The following PPP2R3A variants were observed in gnomAD, a reference collection of about 807,000 sequenced individuals.
PPP2R3A encodes the protein serine/threonine-protein phosphatase 2A regulatory subunit B'' subunit alpha.
In PPP2R3A, 80 loss-of-function variants were observed where a neutral mutation model predicts 106.9. The observed-to-expected ratio is 0.75, with a 90% CI of 0.62 to 0.90. The LOEUF (loss-of-function observed/expected upper bound fraction) is 0.90. PPP2R3A is among the 40% of genes least tolerant of loss of function. The pLI is 0.00. For synonymous variants in PPP2R3A, 483 were observed against 468.3 expected, an observed-to-expected ratio of 1.03 and a Z score of -0.41; for missense variants, 1,386 against 1,350.4, an observed-to-expected ratio of 1.03 and a Z score of -0.41.
chr3:136,002,376 C>T lies in PPP2R3A; in HGVS notation c.878C>T (p.Pro293Leu), dbSNP rs377468771. The change falls in exon 2 of 14, where the codon CCA becomes CTA. Residue 293 changes from proline (P) to leucine (L), a missense_variant. By Grantham distance (98) the Pro-to-Leu change is moderately conservative. Coordinates refer to ENST00000264977, the MANE Select transcript of PPP2R3A (RefSeq NM_002718.5). ...TTAGCATCCTATCTGAAAAAGTTAC[C>T]ATTTGAATTCATGCAGTCTGGGAAT... ...TRLASYLKKL[P>L]FEFMQSGNNE... The T allele has an allele frequency of 5.6e-6, 9 of 1,613,684 alleles. No individual in the cohort carries two copies. The African/African-American group carries it at 9.3e-5, about 17-fold the overall frequency.
chr3:136,023,066 A>G (rs1208785500), intron 2 of PPP2R3A: 1 of 1,612,904 alleles, frequency 6.2e-7, no homozygotes, highest in Non-Finnish European at 8.5e-7. Context: ...TTTACTTTTC[A>G]AAGATGATGA....
At position 136,062,978 on chromosome 3, in the gene PPP2R3A, A is replaced by G. The variant is rs563494894; in HGVS notation, c.2470-7500A>G. Among the ~76,000 whole-genome samples the G allele has an allele frequency of 2.6e-5, 4 of 152,336 alleles. No individual in the cohort carries two copies. The South Asian group carries it at 8.3e-4, about 32-fold the overall frequency. The stretch of plus-strand genomic sequence containing the variant: ...GCATTGCCAAGTCAATCCTAAGCCA[A>G]AAGAACAAAGCTGGAGGCATCACGC... On this transcript the variant is annotated intron_variant, in intron 5 of 13. Coordinates refer to ENST00000264977, the MANE Select transcript of PPP2R3A (RefSeq NM_002718.5).
chr3:136,041,238 G>GT (rs67116006), intron 4 of PPP2R3A, among the ~76,000 whole-genome samples: 64,296 of 92,222 alleles, frequency 0.7, 20,073 homozygotes, highest in East Asian at 0.93. Context: ...GGTTTTTCTT[G>GT]TTTTTTTTTT....
intron 13 of PPP2R3A, among the ~76,000 whole-genome samples, chr3:136,142,254 T>C (rs374208700): frequency 3.3e-5 from 5 of 152,158 alleles, no homozygotes; most frequent in Admixed American, 2.0e-4. Flanking sequence ...ATACGGCACA[T>C]TGTAGGATGT....
chr3:136,094,501 G>C (rs1173377599), intron 10 of PPP2R3A, among the ~76,000 whole-genome samples: 1 of 152,090 alleles, frequency 6.6e-6, no homozygotes, highest in African/African-American at 2.4e-5. Flanking sequence ...ACACACTTGG[G>C]TATTAAACAA....
At chr3:136,032,348 T>G (rs1270008981) in intron 3 of PPP2R3A, among the ~76,000 whole-genome samples, 2 of 152,110 alleles carry the variant, frequency 1.3e-5, no homozygotes, top group Non-Finnish European at 2.9e-5. Flanking sequence ...TGTTGGTGTA[T>G]AGAAGAGCTA....
intron 8 of PPP2R3A, among the ~76,000 whole-genome samples, chr3:136,084,381 A>C (rs549487241): frequency 1.3e-5 from 2 of 152,318 alleles, no homozygotes; most frequent in African/African-American, 4.8e-5. Flanking sequence ...TCAAGTATTG[A>C]GATTTGGGAA....
At chr3:136,099,750 A>G (rs1937310389) in intron 10 of PPP2R3A, among the ~76,000 whole-genome samples, 2 of 152,108 alleles carry the variant, frequency 1.3e-5, no homozygotes, top group Admixed American at 1.3e-4. Context: ...TTTAGCCACA[A>G]TGGAAAAATT....
At chr3:135,979,721 CA>C (rs938651265) in intron 1 of PPP2R3A, among the ~76,000 whole-genome samples, 49 of 142,824 alleles carry the variant, frequency 3.4e-4, no homozygotes, top group Admixed American at 8.4e-4. Context: ...ACTGGGCAGA[CA>C]AAAAAAAAAT....
chr3:136,082,527 A>T lies in PPP2R3A; in HGVS notation c.2788+106A>T, dbSNP rs909863650. On this transcript the variant is annotated intron_variant, in intron 8 of 13. Coordinates refer to ENST00000264977, the MANE Select transcript of PPP2R3A (RefSeq NM_002718.5). Reference sequence around the variant, plus strand: ...GTTTGCTAAATTCTAAACCTAATCAAGTCCTCTTTACAGGCCAATAATTTT... The same window carrying T: ...GTTTGCTAAATTCTAAACCTAATCATGTCCTCTTTACAGGCCAATAATTTT... 3 of 1,299,486 alleles carry T rather than the reference A, an allele frequency of 2.3e-6. No individual in the cohort carries two copies. In the African/African-American group the frequency reaches 4.6e-5, roughly 20 times the overall value. 80.5% of individuals were successfully genotyped at this position (1,299,486 alleles called of 1,614,324 possible).
chr3:136,070,445 T>C (rs775741646), intron 5 of PPP2R3A, 33 bp from the exon 6 acceptor site: 1 of 1,556,886 alleles, frequency 6.4e-7, no homozygotes, highest in Admixed American at 2.0e-5. Context: ...TTTGTATGTT[T>C]GTTAATTTAG....
intron 5 of PPP2R3A, among the ~76,000 whole-genome samples, chr3:136,057,484 G>A (rs897648445): frequency 3.3e-5 from 5 of 152,066 alleles, no homozygotes; most frequent in African/African-American, 4.8e-5. Context: ...AAGTAGATTG[G>A]TGGTTAACAG....
chr3:136,144,532 A>C (rs1403862645), intron 13 of PPP2R3A, among the ~76,000 whole-genome samples: 1 of 152,150 alleles, frequency 6.6e-6, no homozygotes, highest in African/African-American at 2.4e-5. Flanking sequence ...GTGGTGGCGC[A>C]TGCATGTAGT....
intron 3 of PPP2R3A, among the ~76,000 whole-genome samples, chr3:136,037,950 A>AG (rs1247210771): frequency 6.6e-6 from 1 of 152,044 alleles, no homozygotes; most frequent in Non-Finnish European, 1.5e-5. Context: ...GTAAAAAAAA[A>AG]AACAAAAACA....
intron 10 of PPP2R3A, among the ~76,000 whole-genome samples, chr3:136,092,656 C>T (rs1185227226): frequency 2.0e-5 from 3 of 152,082 alleles, no homozygotes; most frequent in Non-Finnish European, 4.4e-5. Flanking sequence ...CTGTGTGGTA[C>T]TCGTATCATG....
At chr3:136,071,585 C>A (rs532395927) in intron 6 of PPP2R3A, among the ~76,000 whole-genome samples, 4 of 152,314 alleles carry the variant, frequency 2.6e-5, no homozygotes, top group Non-Finnish European at 5.9e-5. Flanking sequence ...ATTGGTCTCC[C>A]TGTTACCACT....
Position 136,102,037 on chromosome 3 carries a change from G to C in PPP2R3A, c.2958G>C (p.Val986=). The stretch of plus-strand genomic sequence containing the variant: ...AGTATTGGTTCCGCTGCATGGATGT[G>C]GATGGAGACGGTGTACTCTCCATGT... ...SIEYWFRCMD[V]DGDGVLSMYE... is the part of the protein sequence containing the mutation. Residue 986 remains valine, a synonymous_variant, in exon 11 of 14, where the codon GTG becomes GTC. Coordinates refer to ENST00000264977, the MANE Select transcript of PPP2R3A (RefSeq NM_002718.5). 1 of 1,614,032 alleles carries C rather than the reference G, an allele frequency of 6.2e-7. No homozygotes were observed. The highest frequency in any genetic ancestry group is 8.5e-7 in the Non-Finnish European group (1 of 1,179,912).
At chr3:136,016,716 G>A (rs925350645) in intron 2 of PPP2R3A, among the ~76,000 whole-genome samples, 1 of 152,020 alleles carries the variant, frequency 6.6e-6, no homozygotes, top group African/African-American at 2.4e-5. Context: ...TATACGTTAG[G>A]TGAGTCTCTT....
chr3:136,057,232 G>T (rs1252527519), intron 5 of PPP2R3A, among the ~76,000 whole-genome samples: 1 of 152,078 alleles, frequency 6.6e-6, no homozygotes, highest in South Asian at 2.1e-4. Context: ...TGTGTTTATT[G>T]CAACACTATT....
Sources: gnomAD v4.1 joint callset for allele counts (sites outside exome capture counted in the v4.1 genomes callset) on GRCh38, gnomAD v4.1.1 for gene constraint, MANE v1.5 for transcripts, NCBI Gene and HGNC (gene_info 2026-07-23, HGNC 2026-07-21) for gene names.